RAC1: variants seen among roughly 807,000 people sequenced by gnomAD.
The protein encoded by RAC1 is Rac family small GTPase 1, also known as ras-related C3 botulinum toxin substrate 1.
Under a neutral mutation model 25.2 loss-of-function variants are expected in RAC1, and 2 were observed. That is an observed-to-expected ratio of 0.08 (90% CI 0.03 to 0.25). The LOEUF is 0.25. RAC1 is among the 10% of genes least tolerant of loss of function. RAC1 has a pLI of 1.00. For missense variants in RAC1, 50 were observed against 235.7 expected, an observed-to-expected ratio of 0.21 and a Z score of 5.16; for synonymous variants, 88 against 94.0, an observed-to-expected ratio of 0.94 and a Z score of 0.37.
At chr7:6,389,646 C>G (rs911951598) in intron 2 of RAC1, among the ~76,000 whole-genome samples, 1 of 151,964 alleles carries the variant, frequency 6.6e-6, no homozygotes, top group Admixed American at 6.6e-5. Flanking sequence ...TGCCTCTGCA[C>G]TCCAGCCTGG....
In RAC1 at chr7:6,402,527, A is replaced by AAAAC; in HGVS notation, c.*84_*85insCAAA. ...CAAAAAAAAACAAAAAAAAAAAACA[A>AAAAC]AAAAAAAAAACAACGGTGGAGCCTT... On this transcript the variant is annotated 3_prime_UTR_variant, in exon 6 of 6. Transcript: ENST00000348035. The AAAAC allele has an allele frequency of 9.2e-7, 1 of 1,086,136 alleles. No homozygotes were observed. The allele number at this position is 1,086,136 out of a possible 1,614,324, so 67.3% of individuals were successfully genotyped here.
At chr7:6,379,262 G>A (rs1431801125) in intron 1 of RAC1, among the ~76,000 whole-genome samples, 5 of 138,540 alleles carry the variant, frequency 3.6e-5, no homozygotes, top group Admixed American at 2.4e-4. Flanking sequence ...CTACCATGCC[G>A]AGGTAATTTT....
At chr7:6,397,943 C>G (rs562952433) in intron 3 of RAC1, among the ~76,000 whole-genome samples, 1 of 152,164 alleles carries the variant, frequency 6.6e-6, no homozygotes, top group Non-Finnish European at 1.5e-5. Context: ...GAGCTGAGAT[C>G]TCACCATTGC....
At position 6,402,483 on chromosome 7, in the gene RAC1, A is replaced by C; in HGVS notation, c.*37A>C. 2.3e-6 allele frequency: 2 copies of C among 865,372 alleles called. No homozygotes were observed. The highest frequency in any genetic ancestry group is 3.1e-6 in the Non-Finnish European group (2 of 646,752). The allele number at this position is 865,372 out of a possible 1,614,324, so 53.6% of individuals were successfully genotyped here. On this transcript the variant is annotated 3_prime_UTR_variant, in exon 6 of 6. Transcript: ENST00000348035. ...CCTCGTTCTTGGTCCTGTCCCTTGGAACCTTTGTACGCTTTGCTCAAAAAA... is the reference window on the plus strand; with the variant it reads ...CCTCGTTCTTGGTCCTGTCCCTTGGCACCTTTGTACGCTTTGCTCAAAAAA...
chr7:6,390,235 C>G (rs1783053034), intron 2 of RAC1, among the ~76,000 whole-genome samples: 1 of 150,604 alleles, frequency 6.6e-6, no homozygotes. Context: ...GTAAATAATC[C>G]TCAGTCTGTC....
At chr7:6,375,250 T>C (rs988278046) in intron 1 of RAC1, among the ~76,000 whole-genome samples, 1 of 152,112 alleles carries the variant, frequency 6.6e-6, no homozygotes, top group Non-Finnish European at 1.5e-5. Context: ...CCCCAAACTT[T>C]TCTTTAAAAA....
intron 3 of RAC1, among the ~76,000 whole-genome samples, chr7:6,395,742 C>T (rs1783219347): frequency 6.6e-6 from 1 of 151,986 alleles, no homozygotes; most frequent in Admixed American, 6.6e-5. Context: ...GGTTCTCATA[C>T]GTCAGGGCTG....
chr7:6,382,993 A>G (rs77015976), intron 1 of RAC1, among the ~76,000 whole-genome samples: 1,563 of 152,350 alleles, frequency 0.01, 23 homozygotes, highest in African/African-American at 0.036. Flanking sequence ...AAATTGTAGC[A>G]TCATGAGCTA....
intron 4 of RAC1, 48 bp from the exon 5 acceptor site, chr7:6,401,820 C>A: frequency 6.4e-7 from 1 of 1,562,802 alleles, no homozygotes; most frequent in Non-Finnish European, 8.7e-7. Context: ...AGGTGAAGGA[C>A]ATCTGTAAAG....
At chr7:6,390,984 C>T (rs767567200) in intron 2 of RAC1, among the ~76,000 whole-genome samples, 2 of 152,168 alleles carry the variant, frequency 1.3e-5, no homozygotes, top group African/African-American at 4.8e-5. Context: ...GCAACCTCTG[C>T]TTCCCGGGTT....
At chr7:6,402,273 G>T (rs770562063) in intron 5 of RAC1, 43 bp from the exon 6 acceptor site, 3 of 1,564,646 alleles carry the variant, frequency 1.9e-6, no homozygotes, top group Non-Finnish European at 2.6e-6. Context: ...TCAGAAGAGA[G>T]TGGGGTCGAG....
In RAC1 at chr7:6,393,745, G is replaced by C. The variant is rs1381458956; in HGVS notation, c.225+1704G>C. On this transcript the variant is annotated intron_variant, in intron 3 of 5. Transcript: ENST00000348035. ...TTGCCCTCAGGTAGTTCACAGAAAAGTCCCATAAACTGTGTAAGACACCCT... is the reference window on the plus strand; with the variant it reads ...TTGCCCTCAGGTAGTTCACAGAAAACTCCCATAAACTGTGTAAGACACCCT... 2.0e-5 allele frequency among the ~76,000 whole-genome samples: 3 copies of C among 152,300 alleles called. No individual in the cohort carries two copies. In the East Asian group the frequency reaches 5.8e-4, roughly 29 times the overall value.
chr7:6,379,905 C>T (rs933435104), intron 1 of RAC1, among the ~76,000 whole-genome samples: 2 of 152,054 alleles, frequency 1.3e-5, no homozygotes, highest in African/African-American at 4.8e-5. Context: ...CGAGCCACTG[C>T]GCCCGGCCAC....
At chr7:6,400,022 C>A in intron 3 of RAC1, 104 bp from the exon 4 acceptor site, 1 of 1,033,446 alleles carries the variant, frequency 9.7e-7, no homozygotes, top group Non-Finnish European at 1.5e-6. Flanking sequence ...CTGGTAGACA[C>A]GCTCTGCGTC....
At chr7:6,383,885 T>C (rs564244734) in intron 1 of RAC1, among the ~76,000 whole-genome samples, 92 of 137,096 alleles carry the variant, frequency 6.7e-4, no homozygotes, top group South Asian at 1.3e-3. Flanking sequence ...TCACTGCAAC[T>C]TCCGCCTCCC....
chr7:6,399,473 C>T lies in RAC1; in HGVS notation c.226-653C>T, dbSNP rs547534467. On this transcript the variant is annotated intron_variant, in intron 3 of 5. Coordinates refer to ENST00000348035, the MANE Select transcript of RAC1 (RefSeq NM_006908.5). ...GCATGCAGATGTTTGGCGTGTGCCC[C>T]GAAGCACCCTCTACTCTGTCCTCTG... Among the ~76,000 whole-genome samples, 15 of 152,304 alleles carry T rather than the reference C, an allele frequency of 9.8e-5. No homozygotes were observed. In the South Asian group the frequency reaches 3.1e-3, roughly 32 times the overall value.
In RAC1 at chr7:6,384,645, A is replaced by AT. The variant is rs1396745531; in HGVS notation, c.36-2561dup. The stretch of plus-strand genomic sequence containing the variant: ...GGCAAGAGCCACCACTTATTTTTGA[A>AT]TTTTTTGTGGAAACAAGGTCTCCCT... On this transcript the variant is annotated intron_variant, in intron 1 of 5. Coordinates refer to ENST00000348035, the MANE Select transcript of RAC1 (RefSeq NM_006908.5). Among the ~76,000 whole-genome samples, 6 of 151,846 alleles carry AT rather than the reference A, an allele frequency of 4.0e-5. No individual in the cohort carries two copies. In the East Asian group the frequency reaches 1.2e-3, roughly 29 times the overall value.
intron 1 of RAC1, among the ~76,000 whole-genome samples, chr7:6,376,779 G>GT (rs35795933): frequency 0.088 from 10,188 of 116,024 alleles, 1,225 homozygotes; most frequent in East Asian, 0.6. Flanking sequence ...GCCTCGGCCT[G>GT]TTTTTTTTTT....
rs1783439200 is a variant in RAC1, at chr7:6,402,520, A to AAAAACAAAAAAAC, written c.*86_*87insCAAAACAAAAAAA. On this transcript the variant is annotated 3_prime_UTR_variant, in exon 6 of 6. Transcript: ENST00000348035. Reference sequence around the variant, plus strand: ...CTTTGCTCAAAAAAAAACAAAAAAAAAAAACAAAAAAAAAAAACAACGGTG... The same window carrying AAAAACAAAAAAAC: ...CTTTGCTCAAAAAAAAACAAAAAAAAAAAACAAAAAAACAAAACAAAAAAAAAAAACAACGGTG... 1 of 1,048,996 alleles carries AAAAACAAAAAAAC rather than the reference A, an allele frequency of 9.5e-7. No homozygotes were observed. The highest frequency in any genetic ancestry group is 2.9e-5 in the South Asian group (1 of 34,508). The allele number at this position is 1,048,996 out of a possible 1,614,324, so 65.0% of individuals were successfully genotyped here.
Sources: gnomAD v4.1 joint callset for allele counts (sites outside exome capture counted in the v4.1 genomes callset) on GRCh38, gnomAD v4.1.1 for gene constraint, MANE v1.5 for transcripts, NCBI Gene and HGNC (gene_info 2026-07-23, HGNC 2026-07-21) for gene names.